The following TPSB2 variants were observed in gnomAD, a reference collection of about 807,000 sequenced individuals.
TPSB2 encodes tryptase beta-2.
In TPSB2, 13 loss-of-function variants were observed where a neutral mutation model predicts 19.8. The observed-to-expected ratio is 0.66, with a 90% confidence interval of 0.43 to 1.04. The LOEUF (loss-of-function observed/expected upper bound fraction) is 1.04, where lower values mean the gene tolerates loss of function less well. TPSB2 is among the 50% of genes least tolerant of loss of function. The probability of loss-of-function intolerance (pLI) is 0.00; values close to 1 mark genes in which losing one functional copy is unlikely to be tolerated. For missense variants in TPSB2, 196 were observed against 259.9 expected (o/e 0.75, Z 1.69); for synonymous variants, 78 against 116.4 (o/e 0.67, Z 2.12).
chr16:1,228,382 G>C lies in TPSB2; in HGVS notation c.*268C>G. On this transcript the variant is annotated 3_prime_UTR_variant, in exon 6 of 6. Transcript: ENST00000606293. Reference sequence around the variant, plus strand: ...AGGTCCAGCACTCAGGAGGATTAGCGCCCACCACCAGCTGCCTGGGCAGGG... The same window carrying C: ...AGGTCCAGCACTCAGGAGGATTAGCCCCCACCACCAGCTGCCTGGGCAGGG... 1 of 651,294 alleles carries C rather than the reference G, an allele frequency of 1.5e-6. No homozygotes were observed. The highest frequency in any genetic ancestry group is 2.0e-5 in the South Asian group (1 of 49,052). 40.3% of individuals were successfully genotyped at this position (651,294 alleles called of 1,614,324 possible). A position where few individuals can be genotyped will look rare whatever the true frequency, so the allele number is the denominator to read the frequency against.
At chr16:1,230,041 G>A (rs3888700) in intron 1 of TPSB2, 90 bp from the exon 2 acceptor site, 145,069 of 1,426,188 alleles carry the variant, frequency 0.1, 10,456 homozygotes, top group Admixed American at 0.29. Flanking sequence ...AATGGAGCTG[G>A]GACGGGGGGA....
In TPSB2 at chr16:1,228,413, C is replaced by A; in HGVS notation, c.*237G>T. ...CACCAGCTGCCTGGGCAGGGGAGGG[C>A]CGGAGGGCCCGGTGCAGGCGTCAGG... On this transcript the variant is annotated 3_prime_UTR_variant, in exon 6 of 6. Coordinates refer to ENST00000606293, the MANE Select transcript of TPSB2 (RefSeq NM_024164.6). The A allele has an allele frequency of 1.1e-6, 1 of 900,666 alleles. No individual in the cohort carries two copies. Among genetic ancestry groups the A allele is most frequent in the Non-Finnish European group, 1.6e-6 (1 of 610,420 alleles). The allele number at this position is 900,666 out of a possible 1,614,324, so 55.8% of individuals were successfully genotyped here. A position where few individuals can be genotyped will look rare whatever the true frequency, so the allele number is the denominator to read the frequency against.
In TPSB2 at chr16:1,228,969, C is replaced by A; in HGVS notation, c.594G>T (p.Thr198=). The change falls in exon 5 of 6, where the codon ACG becomes ACT. Residue 198 remains threonine (T), a synonymous_variant. Coordinates refer to ENST00000606293, the MANE Select transcript of TPSB2 (RefSeq NM_024164.6). ...CDAKYHLGAY[T]GDDVRIVRDD... ...CACGGACGATGCGGACGTCGTCTCC[C>A]GTGTAGGCGCCAAGGTGGTATTTTG... The A allele has an allele frequency of 4.1e-6, 2 of 488,996 alleles. No individual in the cohort carries two copies. Among genetic ancestry groups the A allele is most frequent in the Non-Finnish European group, 3.3e-6 (1 of 299,318 alleles). 30.3% of individuals were successfully genotyped at this position (488,996 alleles called of 1,614,324 possible).
chr16:1,229,225 G>A lies in TPSB2; in HGVS notation c.465C>T (p.Cys155=). The change falls in exon 4 of 6, where the codon TGC becomes TGT. Residue 155 remains cysteine (C), a synonymous_variant. Transcript: ENST00000606293. The part of the protein sequence containing the change: ...ASETFPPGMP[C]WVTGWGDVDN... ...CCACATCGCCCCAGCCAGTGACCCA[G>A]CACGGCATCCCCGGGGGGAAGGTCT... The A allele has an allele frequency of 5.1e-6, 2 of 390,936 alleles. No individual in the cohort carries two copies. Among genetic ancestry groups the A allele is most frequent in the Admixed American group, 6.2e-5 (1 of 16,082 alleles). The allele number at this position is 390,936 out of a possible 1,614,324, so 24.2% of individuals were successfully genotyped here. A position where few individuals can be genotyped will look rare whatever the true frequency, so the allele number is the denominator to read the frequency against.
At position 1,228,649 on chromosome 16, in the gene TPSB2, C is replaced by A; in HGVS notation, c.*1G>T. On this transcript the variant is annotated 3_prime_UTR_variant, in exon 6 of 6. Transcript: ENST00000606293. ...ACCCAGGTGGACACCCCAGGCCTGACTCACGGCTTTTTGGGGACATAGTGG... is the reference window on the plus strand; with the variant it reads ...ACCCAGGTGGACACCCCAGGCCTGAATCACGGCTTTTTGGGGACATAGTGG... 3 of 1,602,772 alleles carry A rather than the reference C, an allele frequency of 1.9e-6. No homozygotes were observed. The highest frequency in any genetic ancestry group is 2.6e-6 in the Non-Finnish European group (3 of 1,176,454).
At chr16:1,229,151 G>T in intron 4 of TPSB2, 40 bp downstream of exon 4, 1 of 336,936 alleles carries the variant, frequency 3.0e-6, no homozygotes, top group Non-Finnish European at 4.8e-6. Flanking sequence ...CTGGGCTGTG[G>T]CTAAGACCCT....
At position 1,229,612 on chromosome 16, in the gene TPSB2, G is replaced by C. The variant is rs368005068; in HGVS notation, c.187C>G (p.Leu63Val). The change falls in exon 3 of 6, where the codon CTC (leucine) becomes GTC (valine). Residue 63 changes from leucine to valine, a missense_variant. By Grantham distance (32) the Leu-to-Val change is conservative. Around this residue, in one of 4 missense-constraint regions of TPSB2, gnomAD observed 72 missense variants for 80.5 expected, o/e 0.89. Coordinates refer to ENST00000606293, the MANE Select transcript of TPSB2 (RefSeq NM_024164.6). ...RYWMHFCGGS[L>V]IHPQWVLTAA... ...GTCAGCACCCACTGGGGGTGGATGA[G>C]GGAGCCCCCGCAGAAGTGCATCCAG... 11 of 1,598,302 alleles carry C rather than the reference G, an allele frequency of 6.9e-6. No homozygotes were observed. Among genetic ancestry groups the C allele is most frequent in the Non-Finnish European group, 8.5e-6 (10 of 1,177,824 alleles).
At position 1,228,541 on chromosome 16, in the gene TPSB2, C is replaced by T. The variant is rs1447117494; in HGVS notation, c.*109G>A. The T allele has an allele frequency of 2.8e-5, 20 of 705,180 alleles. No individual in the cohort carries two copies. The highest frequency in any genetic ancestry group is 5.9e-4 in the Middle Eastern group (2 of 3,394). The allele number at this position is 705,180 out of a possible 1,614,324, so 43.7% of individuals were successfully genotyped here. On this transcript the variant is annotated 3_prime_UTR_variant, in exon 6 of 6. Transcript: ENST00000606293. Reference sequence around the variant, plus strand: ...TTAGGACAGGAAGGGGCACTCAGGACGGGGCAGGGAAGGTGTGGGGGGCAG... The same window carrying T: ...TTAGGACAGGAAGGGGCACTCAGGATGGGGCAGGGAAGGTGTGGGGGGCAG...
chr16:1,229,246 G>A lies in TPSB2; in HGVS notation c.444C>T (p.Thr148=). 5.0e-6 allele frequency: 2 copies of A among 402,748 alleles called. No homozygotes were observed. The highest frequency in any genetic ancestry group is 1.9e-4 in the African/African-American group (2 of 10,788). The allele number at this position is 402,748 out of a possible 1,614,324, so 24.9% of individuals were successfully genotyped here. ...HTVTLPPASE[T]FPPGMPCWVT... ...CCCAGCACGGCATCCCCGGGGGGAA[G>A]GTCTCTGAGGCAGGGGGCAGGGTGA... The change falls in exon 4 of 6, where the codon ACC becomes ACT. Residue 148 remains threonine, a synonymous_variant. Coordinates refer to ENST00000606293, the MANE Select transcript of TPSB2 (RefSeq NM_024164.6).
rs1007236882 is a variant in TPSB2 at position 1,228,387 on chromosome 16, C to A, written c.*263G>T. On this transcript the variant is annotated 3_prime_UTR_variant, in exon 6 of 6. Coordinates refer to ENST00000606293, the MANE Select transcript of TPSB2 (RefSeq NM_024164.6). ...CAGCACTCAGGAGGATTAGCGCCCA[C>A]CACCAGCTGCCTGGGCAGGGGAGGG... The A allele has an allele frequency of 1.0e-5, 7 of 690,238 alleles. No individual in the cohort carries two copies. Among genetic ancestry groups the A allele is most frequent in the Non-Finnish European group, 1.7e-5 (7 of 421,876 alleles). The allele number at this position is 690,238 out of a possible 1,614,324, so 42.8% of individuals were successfully genotyped here.
chr16:1,229,096 G>A, intron 4 of TPSB2, 33 bp from the exon 5 acceptor site: 3 of 342,556 alleles, frequency 8.8e-6, no homozygotes, highest in Non-Finnish European at 9.6e-6. Context: ...AGCCTCAGGA[G>A]GGGGCCGGGC....
At chr16:1,230,114 C>G (rs2030356197) in intron 1 of TPSB2, 48 bp downstream of exon 1, 1 of 759,172 alleles carries the variant, frequency 1.3e-6, no homozygotes. Context: ...CTGGGCCACT[C>G]TGCTCCAGGT....
At position 1,229,269 on chromosome 16, in the gene TPSB2, T is replaced by C. The variant is rs1800992; in HGVS notation, c.421A>G (p.Thr141Ala). The C allele has an allele frequency of 0.21, 86,432 of 404,872 alleles. 11,171 individuals carry two copies. Among genetic ancestry groups the C allele is most frequent in the African/African-American group, 0.39 (4,074 of 10,574 alleles). 25.1% of individuals were successfully genotyped at this position (404,872 alleles called of 1,614,324 possible). ...VNVSSHVHTV[T>A]LPPASETFPP... ...AAGGTCTCTGAGGCAGGGGGCAGGG[T>C]GACCGTGTGGACGTGGCTGGAGACG... is the stretch of plus-strand genomic sequence containing the variant. The change falls in exon 4 of 6, where the codon ACC becomes GCC. Residue 141 changes from threonine (T) to alanine (A), a missense_variant. By Grantham distance (58) the Thr-to-Ala change is moderately conservative. Transcript: ENST00000606293.
At position 1,228,798 on chromosome 16, in the gene TPSB2, G is replaced by C. The variant is rs765962576; in HGVS notation, c.680C>G (p.Pro227Arg). The change falls in exon 6 of 6, where the codon CCC becomes CGC. Residue 227 changes from proline (P) to arginine (R), a missense_variant. By Grantham distance (103) the Pro-to-Arg change is moderately radical. Around this residue, in one of 4 missense-constraint regions of TPSB2, gnomAD observed 109 missense variants for 110.2 expected, o/e 0.99. Coordinates refer to ENST00000606293, the MANE Select transcript of TPSB2 (RefSeq NM_024164.6). ...RDSCQGDSGG[P>R]LVCKVNGTWL... ...GGTGCCATTCACCTTGCACACCAGGGGCCCTCCGGAGTCGCCCTGGGAAGG... is the reference window on the plus strand; with the variant it reads ...GGTGCCATTCACCTTGCACACCAGGCGCCCTCCGGAGTCGCCCTGGGAAGG... 6.9e-7 allele frequency: 1 copy of C among 1,452,092 alleles called. No homozygotes were observed. Among genetic ancestry groups the C allele is most frequent in the Non-Finnish European group, 9.1e-7 (1 of 1,095,810 alleles). The allele number at this position is 1,452,092 out of a possible 1,614,324, so 90.0% of individuals were successfully genotyped here. A position where few individuals can be genotyped will look rare whatever the true frequency, so the allele number is the denominator to read the frequency against.
At position 1,229,699 on chromosome 16, in the gene TPSB2, C is replaced by T; in HGVS notation, c.100G>A (p.Gly34Ser). The T allele has an allele frequency of 1.2e-6, 2 of 1,604,618 alleles. No homozygotes were observed. Among genetic ancestry groups the T allele is most frequent in the Non-Finnish European group, 1.7e-6 (2 of 1,178,178 alleles). Residue 34 changes from glycine (G) to serine (S), a missense_variant, in exon 3 of 6, where the codon GGT becomes AGT. Gly to Ser is a moderately conservative substitution (Grantham distance 56, BLOSUM62 0). Around this residue, in one of 4 missense-constraint regions of TPSB2, gnomAD observed 72 missense variants for 80.5 expected, o/e 0.89. Coordinates refer to ENST00000606293, the MANE Select transcript of TPSB2 (RefSeq NM_024164.6). ...QALQRVGIVGGQEAPRSKWPW... is the reference protein window; with the variant it reads ...QALQRVGIVGSQEAPRSKWPW... Reference sequence around the variant, plus strand: ...CACTTGCTCCTGGGGGCCTCCTGACCCCCAACGATGCCCACTCGCTGCAGG... The same window carrying T: ...CACTTGCTCCTGGGGGCCTCCTGACTCCCAACGATGCCCACTCGCTGCAGG...
In TPSB2 at chr16:1,229,578, T is replaced by A. The variant is rs767097707; in HGVS notation, c.221A>T (p.His74Leu). 2 of 1,552,502 alleles carry A rather than the reference T, an allele frequency of 1.3e-6. No homozygotes were observed. Among genetic ancestry groups the A allele is most frequent in the East Asian group, 2.4e-5 (1 of 40,996 alleles). Residue 74 changes from histidine (H) to leucine (L), a missense_variant, in exon 3 of 6, where the codon CAC (histidine) becomes CTC (leucine). His to Leu is a moderately conservative substitution (Grantham distance 99). This residue lies in a region of TPSB2 where 72 missense variants were observed against 80.5 expected (regional missense o/e 0.89). Transcript: ENST00000606293. Reference sequence around the variant, plus strand: ...CCGGGAGACTCACGGTCCCACGCAGTGCGCTGCGGTCAGCACCCACTGGGG... The same window carrying A: ...CCGGGAGACTCACGGTCCCACGCAGAGCGCTGCGGTCAGCACCCACTGGGG... ...IHPQWVLTAA[H>L]CVGPDVKDLA...
rs1060344 is a variant in TPSB2 at position 1,228,414 on chromosome 16, C to G, written c.*236G>C. The G allele has an allele frequency of 1.5e-5, 14 of 909,948 alleles. No individual in the cohort carries two copies. In the Admixed American group the frequency reaches 2.6e-4, roughly 17 times the overall value. 56.4% of individuals were successfully genotyped at this position (909,948 alleles called of 1,614,324 possible). ...ACCAGCTGCCTGGGCAGGGGAGGGC[C>G]GGAGGGCCCGGTGCAGGCGTCAGGC... On this transcript the variant is annotated 3_prime_UTR_variant, in exon 6 of 6. Transcript: ENST00000606293.
Position 1,229,708 on chromosome 16 carries a change from T to A in TPSB2, c.91A>T (p.Ile31Phe). Residue 31 changes from isoleucine (I) to phenylalanine (F), a missense_variant, in exon 3 of 6, where the codon ATC becomes TTC. Coordinates refer to ENST00000606293, the MANE Select transcript of TPSB2 (RefSeq NM_024164.6). ...CTGGGGGCCTCCTGACCCCCAACGA[T>A]GCCCACTCGCTGCAGGGCCTGGCCT... Reference protein sequence around the residue: ...APGQALQRVGIVGGQEAPRSK... With the variant: ...APGQALQRVGFVGGQEAPRSK... The A allele has an allele frequency of 6.2e-7, 1 of 1,602,172 alleles. No homozygotes were observed. Among genetic ancestry groups the A allele is most frequent in the Non-Finnish European group, 8.5e-7 (1 of 1,177,322 alleles).
rs774220011 is a variant in TPSB2 at position 1,228,784 on chromosome 16, C to T, written c.694G>A (p.Val232Met). ...CCCGCCTGCAGCCAGGTGCCATTCA[C>T]CTTGCACACCAGGGGCCCTCCGGAG... is the stretch of plus-strand genomic sequence containing the variant. ...GDSGGPLVCK[V>M]NGTWLQAGVV... The change falls in exon 6 of 6, where the codon GTG becomes ATG. Residue 232 changes from valine (V) to methionine (M), a missense_variant. Physicochemically the swap from Val to Met is conservative, Grantham distance 21. Transcript: ENST00000606293. 1.4e-5 allele frequency: 21 copies of T among 1,517,094 alleles called. No homozygotes were observed. The highest frequency in any genetic ancestry group is 2.1e-4 in the Middle Eastern group (1 of 4,668). 94.0% of individuals were successfully genotyped at this position (1,517,094 alleles called of 1,614,324 possible).
Sources: allele counts gnomAD v4.1 joint callset, GRCh38; gene constraint gnomAD v4.1.1; regional missense constraint gnomAD v4.1.1; transcripts MANE v1.5; gene names NCBI Gene and HGNC (gene_info 2026-07-23, HGNC 2026-07-21).